The following TTC27 variants were observed in gnomAD, a reference collection of about 807,000 sequenced individuals.
TTC27 encodes the protein tetratricopeptide repeat protein 27.
TTC27 carries 79 observed loss-of-function variants against 115.9 expected under a neutral mutation model. That is an observed-to-expected ratio of 0.68 (90% CI 0.57 to 0.82). The LOEUF is 0.82. Ranked by LOEUF, TTC27 falls within the 40% of genes least tolerant of loss-of-function variation. TTC27 has a pLI of 0.00. For missense variants in TTC27, 1,054 were observed against 993.1 expected (o/e 1.06, Z -0.82); for synonymous variants, 401 against 356.0 (o/e 1.13, Z -1.42).
intron 4 of TTC27, among the ~76,000 whole-genome samples, chr2:32,646,557 GTT>G (rs369232306): frequency 5.2e-5 from 6 of 114,482 alleles, no homozygotes; most frequent in Admixed American, 1.1e-4. Context: ...TCTATATTTG[GTT>G]TTTTTTTTTT....
At chr2:32,654,124 G>A (rs375369937) in intron 5 of TTC27, among the ~76,000 whole-genome samples, 5 of 152,092 alleles carry the variant, frequency 3.3e-5, no homozygotes, top group African/African-American at 9.7e-5. Context: ...ATCATTTTAC[G>A]AAGAATTGAG....
chr2:32,786,516 G>A (rs549783929), intron 15 of TTC27, among the ~76,000 whole-genome samples: 94 of 152,248 alleles, frequency 6.2e-4, no homozygotes, highest in African/African-American at 2.2e-3. Flanking sequence ...TTCTCACAGG[G>A]TGTAGAATTT....
chr2:32,728,262 C>T (rs1018870208), intron 10 of TTC27, among the ~76,000 whole-genome samples: 10 of 152,114 alleles, frequency 6.6e-5, no homozygotes, highest in Admixed American at 3.3e-4. Context: ...AGGATGGTCT[C>T]GATCTCCTGA....
intron 1 of TTC27, among the ~76,000 whole-genome samples, chr2:32,628,733 TTTTATCTA>T (rs1401137804): frequency 3.4e-4 from 48 of 139,838 alleles, no homozygotes; most frequent in East Asian, 1.8e-3. Context: ...AGTAATTTTA[TTTTATCTA>T]TTTATTTATT....
At chr2:32,806,516 T>C (rs2148041801) in intron 16 of TTC27, among the ~76,000 whole-genome samples, 1 of 152,318 alleles carries the variant, frequency 6.6e-6, no homozygotes, top group East Asian at 1.9e-4. Flanking sequence ...ATTACTGTAA[T>C]GGTTTTTAAA....
intron 12 of TTC27, among the ~76,000 whole-genome samples, chr2:32,741,685 A>AACAAC (rs879897085): frequency 0.057 from 6,947 of 122,850 alleles, 373 homozygotes; most frequent in African/African-American, 0.15. Context: ...ACAACAACAA[A>AACAAC]AAAACAGCTG....
chr2:32,779,347 T>G (rs1670099696), intron 14 of TTC27, among the ~76,000 whole-genome samples: 1 of 152,220 alleles, frequency 6.6e-6, no homozygotes, highest in African/African-American at 2.4e-5. Context: ...ATATCTGTTC[T>G]AGTGGGTGGC....
chr2:32,790,704 C>G (rs1285570990), intron 16 of TTC27, among the ~76,000 whole-genome samples: 1 of 152,146 alleles, frequency 6.6e-6, no homozygotes, highest in Non-Finnish European at 1.5e-5. Flanking sequence ...CAACAATTCC[C>G]CATTTCCTCC....
intron 16 of TTC27, among the ~76,000 whole-genome samples, chr2:32,807,759 A>G (rs945636639): frequency 2.0e-5 from 3 of 151,948 alleles, no homozygotes; most frequent in African/African-American, 7.3e-5. Flanking sequence ...GTTCTGGATT[A>G]TGGTCACTCA....
intron 12 of TTC27, among the ~76,000 whole-genome samples, chr2:32,746,707 G>T (rs74391897): frequency 0.056 from 8,455 of 152,126 alleles, 238 homozygotes; most frequent in Middle Eastern, 0.099. Flanking sequence ...TGTTATGTAG[G>T]CCCTGGTACT....
chr2:32,664,739 C>A (rs377014273), intron 6 of TTC27, among the ~76,000 whole-genome samples: 2 of 152,068 alleles, frequency 1.3e-5, no homozygotes, highest in East Asian at 3.8e-4. Context: ...CACTTTTGAG[C>A]CTTTGGGGGA....
chr2:32,795,569 T>G (rs202239704), intron 16 of TTC27, among the ~76,000 whole-genome samples: 1 of 134,316 alleles, frequency 7.4e-6, no homozygotes, highest in Admixed American at 7.4e-5. Context: ...TTTATTTATT[T>G]ATTGACAAAG....
rs189223728 is a variant in TTC27, at chr2:32,795,601, G to A, written c.1998+8452G>A. ...AAAGTGTTGCTCTGTTGCCCAGGCT[G>A]GAGTGCAGTGGCATGATCTCTGCTC... On this transcript the variant is annotated intron_variant, in intron 16 of 19. Transcript: ENST00000317907. Among the ~76,000 whole-genome samples, 287 of 150,628 alleles carry A rather than the reference G, an allele frequency of 1.9e-3. 3 individuals are homozygous for A. Among genetic ancestry groups the A allele is most frequent in the African/African-American group, 6.3e-3 (261 of 41,144 alleles).
At position 32,787,060 on chromosome 2, in the gene TTC27, C is replaced by T. The variant is rs1357588532; in HGVS notation, c.1909C>T (p.Leu637Phe). 3 of 1,614,004 alleles carry T rather than the reference C, an allele frequency of 1.9e-6. No homozygotes were observed. The highest frequency in any genetic ancestry group is 4.5e-5 in the East Asian group (2 of 44,880). Residue 637 changes from leucine to phenylalanine, a missense_variant, in exon 16 of 20, where the codon CTC becomes TTC. Transcript: ENST00000317907. The part of the protein sequence containing the change: ...EHWQIWENYI[L>F]TSTDVGEFSE... ...CTGGCAGATTTGGGAAAACTACATC[C>T]TCACCAGCACTGACGTTGGGGAATT...
intron 12 of TTC27, among the ~76,000 whole-genome samples, chr2:32,753,732 CCA>C (rs1438547715): frequency 6.6e-6 from 1 of 151,924 alleles, no homozygotes; most frequent in African/African-American, 2.4e-5. Flanking sequence ...CAGGCTTGAG[CCA>C]CCGTGTGGAG....
chr2:32,685,221 G>A (rs1000734300), intron 9 of TTC27, among the ~76,000 whole-genome samples: 4 of 151,694 alleles, frequency 2.6e-5, no homozygotes, highest in Non-Finnish European at 4.4e-5. Flanking sequence ...GTACAGATGG[G>A]GTTTCACCAT....
At chr2:32,637,530 A>G (rs944634134) in intron 3 of TTC27, among the ~76,000 whole-genome samples, 5 of 151,828 alleles carry the variant, frequency 3.3e-5, no homozygotes, top group Non-Finnish European at 7.4e-5. Context: ...ACGGGGTTTC[A>G]CCTTATTGGC....
At chr2:32,772,725 G>T (rs1379953351) in intron 13 of TTC27, among the ~76,000 whole-genome samples, 1 of 152,172 alleles carries the variant, frequency 6.6e-6, no homozygotes, top group African/African-American at 2.4e-5. Flanking sequence ...AATTTATGAT[G>T]GATTTATCAG....
chr2:32,811,287 T>G lies in TTC27; in HGVS notation c.2196+66T>G, dbSNP rs3731577. ...AACATGTTGTAGTAGATCTACTTTT[T>G]TGATGGGTGGAGGAAGAGTTTAACA... is the stretch of plus-strand genomic sequence containing the variant. On this transcript the variant is annotated intron_variant, in intron 17 of 19. Transcript: ENST00000317907. 138 of 1,430,340 alleles carry G rather than the reference T, an allele frequency of 9.6e-5. No individual in the cohort carries two copies. In the East Asian group the frequency reaches 3.3e-3, roughly 34 times the overall value. 88.6% of individuals were successfully genotyped at this position (1,430,340 alleles called of 1,614,324 possible).
Sources: gnomAD v4.1 joint callset for allele counts (sites outside exome capture counted in the v4.1 genomes callset) on GRCh38, gnomAD v4.1.1 for gene constraint, MANE v1.5 for transcripts, NCBI Gene and HGNC (gene_info 2026-07-23, HGNC 2026-07-21) for gene names.